Variants in GPSM3 observed in about 807,000 individuals in gnomAD.
The protein encoded by GPSM3 is G protein-signaling modulator 3.
A neutral mutation model predicts 20.4 loss-of-function variants in GPSM3; 16 were observed. The ratio of observed to expected loss-of-function variants is 0.78; its 90% confidence interval spans 0.53 to 1.19. The LOEUF is 1.19. Among genes scored for constraint, GPSM3 ranks in the 50% most tolerant of loss-of-function variants. GPSM3 has a pLI of 0.00. For missense variants in GPSM3, 177 were observed against 204.6 expected (o/e 0.86, Z 0.82); for synonymous variants, 70 against 79.6 (o/e 0.88, Z 0.64).
chr6:32,192,286 G>A lies in GPSM3; in HGVS notation c.43-36C>T, dbSNP rs1249100245. On this transcript the variant is annotated intron_variant, in intron 1 of 3. Coordinates refer to ENST00000375040, the MANE Select transcript of GPSM3 (RefSeq NM_001276501.2). This position sits in a 1 kb window ranked among gnomAD's most constrained non-coding sequence, Gnocchi z 5.1. ...AATATGTCCATTCTAGTCAAGCAGT[G>A]GTGGTTGAAGCGGGAGGAGTGGACA... 5 of 1,485,256 alleles carry A rather than the reference G, an allele frequency of 3.4e-6. No homozygotes were observed. Among genetic ancestry groups the A allele is most frequent in the Non-Finnish European group, 4.6e-6 (5 of 1,096,034 alleles). 92.0% of individuals were successfully genotyped at this position (1,485,256 alleles called of 1,614,324 possible).
chr6:32,194,443 T>C (rs1012217531), upstream of GPSM3: 1 of 152,260 alleles, frequency 6.6e-6, no homozygotes, highest in African/African-American at 2.4e-5. This position sits in a 1 kb window ranked among gnomAD's most constrained non-coding sequence, Gnocchi z 4.5. Context: ...GCGAGAAACT[T>C]AGATCCCTTG....
chr6:32,191,869 GTC>G lies in GPSM3; in HGVS notation c.183_184del (p.Gln61HisfsTer2), dbSNP rs1221450037. On this transcript the variant is annotated frameshift_variant, in exon 3 of 4. Coordinates refer to ENST00000375040, the MANE Select transcript of GPSM3 (RefSeq NM_001276501.2). LOFTEE classifies it high-confidence loss of function. The surrounding 1 kb of genome is among the most constrained non-coding windows in gnomAD (Gnocchi z 5.9). ...AGCCACCAGGTCCAGAAGGAGTTCA[GTC>G]TGCAGGGAGAGCAGGGAGGCCGAGC... 5.6e-6 allele frequency: 9 copies of G among 1,611,726 alleles called. No individual in the cohort carries two copies. The highest frequency in any genetic ancestry group is 1.3e-5 in the African/African-American group (1 of 74,806).
chr6:32,190,891 G>A lies in GPSM3; in HGVS notation c.*475C>T, dbSNP rs1459403483. The A allele has an allele frequency of 6.4e-6, 1 of 155,752 alleles. No individual in the cohort carries two copies. Among genetic ancestry groups the A allele is most frequent in the Non-Finnish European group, 1.4e-5 (1 of 70,416 alleles). The allele number at this position is 155,752 out of a possible 1,614,324, so 9.6% of individuals were successfully genotyped here. A position where few individuals can be genotyped will look rare whatever the true frequency, so the allele number is the denominator to read the frequency against. Reference sequence around the variant, plus strand: ...CGTAAACCCCTCAGTCTCAGGGATCGGGGGTGCTGGTAGTGGGACTGGGAG... The same window carrying A: ...CGTAAACCCCTCAGTCTCAGGGATCAGGGGTGCTGGTAGTGGGACTGGGAG... On this transcript the variant is annotated 3_prime_UTR_variant, in exon 4 of 4. Transcript: ENST00000375040.
chr6:32,194,419 G>C (rs1287089781), upstream of GPSM3: 1 of 152,188 alleles, frequency 6.6e-6, no homozygotes, highest in East Asian at 1.9e-4. The surrounding 1 kb of genome is among the most constrained non-coding windows in gnomAD (Gnocchi z 4.5). Flanking sequence ...TTAGGCATTA[G>C]ATTCCCGTAA....
chr6:32,192,381 C>G lies in GPSM3; in HGVS notation c.42+91G>C. The stretch of plus-strand genomic sequence containing the variant: ...CCTGCCTCAGTTTGCCCAAGCCTTT[C>G]AAGGCCCCTGTGTCCCTACATTTCT... On this transcript the variant is annotated intron_variant, in intron 1 of 3. Coordinates refer to ENST00000375040, the MANE Select transcript of GPSM3 (RefSeq NM_001276501.2). This position sits in a 1 kb window ranked among gnomAD's most constrained non-coding sequence, Gnocchi z 5.1. The G allele has an allele frequency of 6.9e-7, 1 of 1,455,946 alleles. No individual in the cohort carries two copies. The highest frequency in any genetic ancestry group is 9.4e-7 in the Non-Finnish European group (1 of 1,065,598). 90.2% of individuals were successfully genotyped at this position (1,455,946 alleles called of 1,614,324 possible). A position where few individuals can be genotyped will look rare whatever the true frequency, so the allele number is the denominator to read the frequency against.
Position 32,191,648 on chromosome 6 carries a change from A to AAAGAGAACAGGGGCC in GPSM3, c.345+46_345+60dup. On this transcript the variant is annotated intron_variant, in intron 3 of 3. Coordinates refer to ENST00000375040, the MANE Select transcript of GPSM3 (RefSeq NM_001276501.2). This position sits in a 1 kb window ranked among gnomAD's most constrained non-coding sequence, Gnocchi z 5.9. ...TAGGGAGAAACAGGAGTAGAGCCCC[A>AAAGAGAACAGGGGCC]AAGAGAACAGGGGCCAAGAGACCAG... 6.7e-7 allele frequency: 1 copy of AAAGAGAACAGGGGCC among 1,499,876 alleles called. No homozygotes were observed. The highest frequency in any genetic ancestry group is 2.3e-5 in the East Asian group (1 of 44,062). 92.9% of individuals were successfully genotyped at this position (1,499,876 alleles called of 1,614,324 possible). A position where few individuals can be genotyped will look rare whatever the true frequency, so the allele number is the denominator to read the frequency against.
upstream of GPSM3, chr6:32,194,763 C>T (rs1397655415): frequency 8.8e-6 from 2 of 226,104 alleles, no homozygotes; most frequent in Non-Finnish European, 1.8e-5. This position sits in a 1 kb window ranked among gnomAD's most constrained non-coding sequence, Gnocchi z 4.5. Context: ...AAATGCTGAG[C>T]CAAAAGCACA....
upstream of GPSM3, chr6:32,195,097 T>C: frequency 3.2e-6 from 1 of 316,626 alleles, no homozygotes; most frequent in Non-Finnish European, 5.8e-6. The surrounding 1 kb of genome is among the most constrained non-coding windows in gnomAD (Gnocchi z 5.4). Context: ...GGGGCACCCT[T>C]TGGAAACCAT....
upstream of GPSM3, chr6:32,194,462 G>A (rs1220898012): frequency 6.6e-6 from 1 of 152,494 alleles, no homozygotes; most frequent in Non-Finnish European, 1.5e-5. The surrounding 1 kb of genome is among the most constrained non-coding windows in gnomAD (Gnocchi z 4.5). Context: ...TGCATGCACA[G>A]TTCACAATAG....
In GPSM3 at chr6:32,191,578, G is replaced by A. The variant is rs1229020060; in HGVS notation, c.346-75C>T. 1.3e-6 allele frequency: 2 copies of A among 1,504,222 alleles called. No homozygotes were observed. The highest frequency in any genetic ancestry group is 8.9e-7 in the Non-Finnish European group (1 of 1,121,152). 93.2% of individuals were successfully genotyped at this position (1,504,222 alleles called of 1,614,324 possible). A position where few individuals can be genotyped will look rare whatever the true frequency, so the allele number is the denominator to read the frequency against. ...GAGGTTCTTGAGAGGATCAAGGGTT[G>A]GTATGGGGAGGCATATAGGAAACCT... On this transcript the variant is annotated intron_variant, in intron 3 of 3. Coordinates refer to ENST00000375040, the MANE Select transcript of GPSM3 (RefSeq NM_001276501.2). This position sits in a 1 kb window ranked among gnomAD's most constrained non-coding sequence, Gnocchi z 5.9.
rs755610419 is a variant in GPSM3 at position 32,191,522 on chromosome 6, A to G, written c.346-19T>C. ...GCTGGCACTGGAGGAGTGGAGGGAG[A>G]GGGAGAGCTTTGGTGAGGGTCTGAG... On this transcript the variant is annotated intron_variant, in intron 3 of 3. Coordinates refer to ENST00000375040, the MANE Select transcript of GPSM3 (RefSeq NM_001276501.2). The surrounding 1 kb of genome is among the most constrained non-coding windows in gnomAD (Gnocchi z 5.9). 4.6e-6 allele frequency: 7 copies of G among 1,537,562 alleles called. No individual in the cohort carries two copies. Among genetic ancestry groups the G allele is most frequent in the Non-Finnish European group, 6.1e-6 (7 of 1,143,212 alleles).
Position 32,192,450 on chromosome 6 carries a change from C to G in GPSM3, c.42+22G>C. On this transcript the variant is annotated intron_variant, in intron 1 of 3. Transcript: ENST00000375040. The surrounding 1 kb of genome is among the most constrained non-coding windows in gnomAD (Gnocchi z 5.1). The stretch of plus-strand genomic sequence containing the variant: ...TCCCTTCTTTCCCAGTGTCAGCCTC[C>G]CCAACCCCGTGCCCAGCTCACCTGC... The G allele has an allele frequency of 6.3e-7, 1 of 1,582,454 alleles. No individual in the cohort carries two copies. The highest frequency in any genetic ancestry group is 8.6e-7 in the Non-Finnish European group (1 of 1,162,866).
In GPSM3 at chr6:32,191,797, G is replaced by C. The variant is rs757892127; in HGVS notation, c.257C>G (p.Thr86Ser). ...GGCTAGGCTTGAGGGGTTTTGGGGG[G>C]TGTAGAAGGTGGCCCTCTGCTCCTC... is the stretch of plus-strand genomic sequence containing the variant. ...RLEEQRATFY[T>S]PQNPSSLAPA... The change falls in exon 3 of 4, where the codon ACC (threonine) becomes AGC (serine). Residue 86 changes from threonine (T) to serine (S), a missense_variant. Physicochemically the swap from Thr to Ser is moderately conservative, Grantham distance 58 (BLOSUM62 1). Transcript: ENST00000375040. The surrounding 1 kb of genome is among the most constrained non-coding windows in gnomAD (Gnocchi z 5.9). The C allele has an allele frequency of 1.2e-6, 2 of 1,612,394 alleles. No individual in the cohort carries two copies. The highest frequency in any genetic ancestry group is 1.7e-6 in the Non-Finnish European group (2 of 1,179,568).
rs553111699 is a variant in GPSM3, at chr6:32,191,151, G to A, written c.*215C>T. The A allele has an allele frequency of 1.9e-6, 1 of 539,740 alleles. No homozygotes were observed. The highest frequency in any genetic ancestry group is 3.1e-6 in the Non-Finnish European group (1 of 318,158). The allele number at this position is 539,740 out of a possible 1,614,324, so 33.4% of individuals were successfully genotyped here. A position where few individuals can be genotyped will look rare whatever the true frequency, so the allele number is the denominator to read the frequency against. Reference sequence around the variant, plus strand: ...CTCAAGCTCCCATGGACCTGTGGGCGGGGAGTTAAATCCCTGTTCCATCTC... The same window carrying A: ...CTCAAGCTCCCATGGACCTGTGGGCAGGGAGTTAAATCCCTGTTCCATCTC... On this transcript the variant is annotated 3_prime_UTR_variant, in exon 4 of 4. Coordinates refer to ENST00000375040, the MANE Select transcript of GPSM3 (RefSeq NM_001276501.2). The surrounding 1 kb of genome is among the most constrained non-coding windows in gnomAD (Gnocchi z 5.9).
At chr6:32,195,287 G>A, upstream of GPSM3, 1 of 715,512 alleles carries the variant, frequency 1.4e-6, no homozygotes, top group East Asian at 2.8e-5. This position sits in a 1 kb window ranked among gnomAD's most constrained non-coding sequence, Gnocchi z 5.4. Context: ...CGTGGAAGAT[G>A]TCTGCTCTGG....
upstream of GPSM3, chr6:32,195,497 G>A (rs8192583): frequency 0.044 from 70,307 of 1,612,868 alleles, 1,758 homozygotes; most frequent in South Asian, 0.054. The surrounding 1 kb of genome is among the most constrained non-coding windows in gnomAD (Gnocchi z 5.4). Context: ...GGGGACCACA[G>A]TCAAGTTGAG....
chr6:32,191,302 G>A lies in GPSM3; in HGVS notation c.*64C>T. ...GTACCCCTGCCAAGCAAGAGTTGAGGGCATGCAATGGGCTGCCCAGCTTTG... is the reference window on the plus strand; with the variant it reads ...GTACCCCTGCCAAGCAAGAGTTGAGAGCATGCAATGGGCTGCCCAGCTTTG... On this transcript the variant is annotated 3_prime_UTR_variant, in exon 4 of 4. Transcript: ENST00000375040. This position sits in a 1 kb window ranked among gnomAD's most constrained non-coding sequence, Gnocchi z 5.9. The A allele has an allele frequency of 1.3e-6, 2 of 1,532,812 alleles. No individual in the cohort carries two copies. Among genetic ancestry groups the A allele is most frequent in the Middle Eastern group, 1.8e-4 (1 of 5,686 alleles). 95.0% of individuals were successfully genotyped at this position (1,532,812 alleles called of 1,614,324 possible).
At position 32,192,299 on chromosome 6, in the gene GPSM3, G is replaced by C. The variant is rs373880053; in HGVS notation, c.43-49C>G. ...TAGTCAAGCAGTGGTGGTTGAAGCG[G>C]GAGGAGTGGACAGGGGGCTAGGCCA... is the stretch of plus-strand genomic sequence containing the variant. On this transcript the variant is annotated intron_variant, in intron 1 of 3. Coordinates refer to ENST00000375040, the MANE Select transcript of GPSM3 (RefSeq NM_001276501.2). This position sits in a 1 kb window ranked among gnomAD's most constrained non-coding sequence, Gnocchi z 5.1. The C allele has an allele frequency of 7.6e-6, 11 of 1,446,264 alleles. No individual in the cohort carries two copies. Among genetic ancestry groups the C allele is most frequent in the Non-Finnish European group, 1.0e-5 (11 of 1,062,122 alleles). 89.6% of individuals were successfully genotyped at this position (1,446,264 alleles called of 1,614,324 possible).
At position 32,192,016 on chromosome 6, in the gene GPSM3, AG is replaced by A; in HGVS notation, c.146-109del. 1 of 1,264,154 alleles carries A rather than the reference AG, an allele frequency of 7.9e-7. No homozygotes were observed. The highest frequency in any genetic ancestry group is 1.3e-5 in the South Asian group (1 of 76,550). The allele number at this position is 1,264,154 out of a possible 1,614,324, so 78.3% of individuals were successfully genotyped here. Reference sequence around the variant, plus strand: ...GATTAGGGACTTTGGATCAGAGGAGAGGGGGTGCAATGGGGAATCCCAAGGG... The same window carrying A: ...GATTAGGGACTTTGGATCAGAGGAGAGGGGTGCAATGGGGAATCCCAAGGG... On this transcript the variant is annotated intron_variant, in intron 2 of 3. Transcript: ENST00000375040. The surrounding 1 kb of genome is among the most constrained non-coding windows in gnomAD (Gnocchi z 5.1).
Sources: allele counts gnomAD v4.1 joint callset, GRCh38; gene constraint gnomAD v4.1.1; non-coding constraint Gnocchi (gnomAD v3.1); transcripts MANE v1.5; gene names NCBI Gene and HGNC (gene_info 2026-07-23, HGNC 2026-07-21).